The following TNR variants were observed in gnomAD, a reference collection of about 807,000 sequenced individuals.
The protein encoded by TNR is tenascin-R.
Under a neutral mutation model 150.4 loss-of-function variants are expected in TNR, and 45 were observed. That is an observed-to-expected ratio of 0.30 (90% confidence interval 0.24 to 0.38). TNR has a LOEUF of 0.38. Among genes scored for constraint, TNR ranks in the 10% least tolerant of loss-of-function variants. The probability of loss-of-function intolerance (pLI) is 1.00; values close to 1 mark genes in which losing one functional copy is unlikely to be tolerated. For missense variants in TNR, 1,544 were observed against 1,759.1 expected, an observed-to-expected ratio of 0.88 and a Z score of 2.19; for synonymous variants, 687 against 678.4, an observed-to-expected ratio of 1.01 and a Z score of -0.20.
intron 1 of TNR, among the ~76,000 whole-genome samples, chr1:175,609,940 G>C (rs1014710339): frequency 6.6e-6 from 1 of 152,158 alleles, no homozygotes; most frequent in African/African-American, 2.4e-5. Context: ...CTAATAATGG[G>C]AATGTGATAT....
At chr1:175,425,911 T>C (rs750748504) in intron 2 of TNR, among the ~76,000 whole-genome samples, 7 of 152,202 alleles carry the variant, frequency 4.6e-5, no homozygotes, top group Admixed American at 3.9e-4. Context: ...ATGGTGCCTA[T>C]GGCCTTGCAT....
chr1:175,636,316 A>T lies in TNR; in HGVS notation c.-165+106910T>A, dbSNP rs564484658. Among the ~76,000 whole-genome samples the T allele has an allele frequency of 1.3e-3, 203 of 152,306 alleles. 3 individuals are homozygous for T. The highest frequency in any genetic ancestry group is 4.7e-3 in the African/African-American group (197 of 41,580). On this transcript the variant is annotated intron_variant, in intron 1 of 22. Transcript: ENST00000367674. ...TTACTTTGTTCTAAGTCCTTTACAC[A>T]TATAAGCACATTTAAGTTTCCCACA...
intron 1 of TNR, among the ~76,000 whole-genome samples, chr1:175,649,695 C>T (rs1325793512): frequency 6.6e-6 from 1 of 152,182 alleles, no homozygotes; most frequent in Non-Finnish European, 1.5e-5. Flanking sequence ...CTCACACTCC[C>T]CTGAAGCTGC....
intron 1 of TNR, among the ~76,000 whole-genome samples, chr1:175,579,350 AG>A (rs2102227080): frequency 6.6e-6 from 1 of 152,238 alleles, no homozygotes; most frequent in East Asian, 1.9e-4. Flanking sequence ...AATGATGAGG[AG>A]TCAAAGGCAG....
At chr1:175,717,566 A>C (rs956995229) in intron 1 of TNR, among the ~76,000 whole-genome samples, 3 of 152,212 alleles carry the variant, frequency 2.0e-5, no homozygotes, top group Non-Finnish European at 2.9e-5. Context: ...AAAGGCGTGA[A>C]TATATCTATA....
chr1:175,686,664 C>T (rs976485034), intron 1 of TNR, among the ~76,000 whole-genome samples: 1 of 152,110 alleles, frequency 6.6e-6, no homozygotes, highest in Admixed American at 6.5e-5. Flanking sequence ...TTTGGAGTCC[C>T]CAGTGTTTAC....
intron 2 of TNR, among the ~76,000 whole-genome samples, chr1:175,520,682 C>G (rs1659602492): frequency 6.6e-6 from 1 of 152,022 alleles, no homozygotes; most frequent in Non-Finnish European, 1.5e-5. Flanking sequence ...TCTTCTCTCT[C>G]TCTCTCTCTT....
chr1:175,325,547 C>T (rs900997196), intron 21 of TNR, among the ~76,000 whole-genome samples: 20 of 152,230 alleles, frequency 1.3e-4, no homozygotes, highest in African/African-American at 3.9e-4. Context: ...TCAGTCATTC[C>T]GCTATAGAGA....
At chr1:175,331,045 C>CTT (rs755343326) in intron 20 of TNR, among the ~76,000 whole-genome samples, 3 of 89,328 alleles carry the variant, frequency 3.4e-5, no homozygotes, top group South Asian at 3.8e-4. Context: ...TTCTTTCTTT[C>CTT]TTTCTTTCTT....
chr1:175,551,471 G>T (rs1479725844), intron 1 of TNR, among the ~76,000 whole-genome samples: 1 of 152,202 alleles, frequency 6.6e-6, no homozygotes, highest in Non-Finnish European at 1.5e-5. Flanking sequence ...GAATCTCAAA[G>T]AGGACAAAGG....
chr1:175,596,180 A>C (rs1306292499), intron 1 of TNR, among the ~76,000 whole-genome samples: 1 of 152,220 alleles, frequency 6.6e-6, no homozygotes, highest in African/African-American at 2.4e-5. Flanking sequence ...AGAATTTGTG[A>C]ATAACATTTC....
intron 2 of TNR, among the ~76,000 whole-genome samples, chr1:175,467,314 A>T (rs1041626380): frequency 2.0e-5 from 3 of 152,260 alleles, no homozygotes; most frequent in African/African-American, 7.2e-5. Context: ...AGCTTGGAGT[A>T]GTGACAAAAA....
chr1:175,635,299 C>T (rs1664460051), intron 1 of TNR, among the ~76,000 whole-genome samples: 1 of 151,838 alleles, frequency 6.6e-6, no homozygotes, highest in Admixed American at 6.5e-5. Context: ...AACATGTGTG[C>T]AAACAAAAGG....
intron 1 of TNR, among the ~76,000 whole-genome samples, chr1:175,681,425 T>A (rs913555492): frequency 6.6e-6 from 1 of 152,178 alleles, no homozygotes; most frequent in African/African-American, 2.4e-5. Context: ...CTGGCTTTCA[T>A]GGCAAACTAT....
intron 10 of TNR, among the ~76,000 whole-genome samples, 162 bp from the exon 11 acceptor site, chr1:175,366,300 C>A (rs958003918): frequency 2.6e-5 from 4 of 152,220 alleles, no homozygotes; most frequent in African/African-American, 9.6e-5. Context: ...TACCTTCCCT[C>A]TGAATGATGG....
At chr1:175,342,921 T>C (rs555514510) in intron 18 of TNR, among the ~76,000 whole-genome samples, 28 of 150,238 alleles carry the variant, frequency 1.9e-4, no homozygotes, top group Non-Finnish European at 3.5e-4. Context: ...GAAGACCCAA[T>C]TTCATGGCAG....
intron 1 of TNR, among the ~76,000 whole-genome samples, chr1:175,717,046 C>G (rs1204565483): frequency 1.3e-5 from 2 of 152,208 alleles, no homozygotes; most frequent in Non-Finnish European, 2.9e-5. Flanking sequence ...ATGCCCTGCC[C>G]TTCCTCGTAC....
chr1:175,456,566 T>C (rs886810894), intron 2 of TNR, among the ~76,000 whole-genome samples: 1 of 152,192 alleles, frequency 6.6e-6, no homozygotes, highest in Admixed American at 6.5e-5. Context: ...TAATGAAATA[T>C]AGTCTCAAAA....
At chr1:175,604,152 C>A (rs1307432415) in intron 1 of TNR, among the ~76,000 whole-genome samples, 1 of 152,096 alleles carries the variant, frequency 6.6e-6, no homozygotes, top group African/African-American at 2.4e-5. Flanking sequence ...CTAATGAATT[C>A]TTCAAGCAGC....
Sources: allele counts gnomAD v4.1 joint callset (sites outside exome capture counted in the v4.1 genomes callset), GRCh38; gene constraint gnomAD v4.1.1; transcripts MANE v1.5; gene names NCBI Gene and HGNC (gene_info 2026-07-23, HGNC 2026-07-21).